Variants in MBD5 observed in about 807,000 individuals in gnomAD.
MBD5 encodes the protein methyl-CpG binding domain protein 5, also known as methyl-CpG-binding domain protein 5.
MBD5 carries 13 observed loss-of-function variants against 117.3 expected under a neutral mutation model. The observed-to-expected ratio is 0.11, with a 90% CI of 0.07 to 0.18. The LOEUF (loss-of-function observed/expected upper bound fraction) is 0.18, where lower values mean the gene tolerates loss of function less well. Among genes scored for constraint, MBD5 ranks in the 10% least tolerant of loss-of-function variants. The pLI is 1.00. For synonymous variants in MBD5, 727 were observed against 766.4 expected (o/e 0.95, Z 0.85); for missense variants, 1,879 against 2,093.8 (o/e 0.90, Z 2.00).
rs1371989232 is a variant in MBD5 at position 148,515,935 on chromosome 2, G to T, written c.*2994G>T. 6.6e-6 allele frequency: 1 copy of T among 152,124 alleles called. No homozygotes were observed. Among genetic ancestry groups the T allele is most frequent in the Non-Finnish European group, 1.5e-5 (1 of 67,988 alleles). The allele number at this position is 152,124 out of a possible 1,614,324, so 9.4% of individuals were successfully genotyped here. A position where few individuals can be genotyped will look rare whatever the true frequency, so the allele number is the denominator to read the frequency against. On this transcript the variant is annotated 3_prime_UTR_variant, in exon 14 of 14. Transcript: ENST00000642680. Reference sequence around the variant, plus strand: ...TTTATTTATTTAAAGGAACATTTTTGGCTTGTACTTTTCAGTGCCATTATG... The same window carrying T: ...TTTATTTATTTAAAGGAACATTTTTTGCTTGTACTTTTCAGTGCCATTATG...
intron 4 of MBD5, among the ~76,000 whole-genome samples, chr2:148,369,081 C>A (rs1377335167): frequency 6.6e-6 from 1 of 151,946 alleles, no homozygotes; most frequent in Non-Finnish European, 1.5e-5. Flanking sequence ...AATGCGTGAC[C>A]TCAATTGAAT....
intron 4 of MBD5, among the ~76,000 whole-genome samples, chr2:148,375,012 G>A (rs954370457): frequency 5.3e-5 from 8 of 152,090 alleles, no homozygotes; most frequent in African/African-American, 1.9e-4. Flanking sequence ...TACCTGGTGT[G>A]TATAAATATT....
In MBD5 at chr2:148,514,830, T is replaced by G. The variant is rs1166418320; in HGVS notation, c.*1889T>G. ...TTCCCCTAGGTCTCCTGTGTCTCTC[T>G]GTCCCTCTGTTCCTACTTTCAACCT... On this transcript the variant is annotated 3_prime_UTR_variant, in exon 14 of 14. Transcript: ENST00000642680. 1 of 152,346 alleles carries G rather than the reference T, an allele frequency of 6.6e-6. No homozygotes were observed. Among genetic ancestry groups the G allele is most frequent in the Non-Finnish European group, 1.5e-5 (1 of 68,148 alleles). 9.4% of individuals were successfully genotyped at this position (152,346 alleles called of 1,614,324 possible).
At chr2:148,450,366 T>G (rs1316298949) in intron 4 of MBD5, among the ~76,000 whole-genome samples, 1 of 152,234 alleles carries the variant, frequency 6.6e-6, no homozygotes, top group African/African-American at 2.4e-5. Flanking sequence ...TTAATTTAAG[T>G]TAAACCCTAT....
chr2:148,103,288 T>TA (rs2105310271), intron 1 of MBD5, among the ~76,000 whole-genome samples: 1 of 152,304 alleles, frequency 6.6e-6, no homozygotes, highest in African/African-American at 2.4e-5. Flanking sequence ...GCATATACTC[T>TA]AACACTGGGG....
At chr2:148,040,318 C>T (rs1694318733) in intron 1 of MBD5, among the ~76,000 whole-genome samples, 1 of 152,128 alleles carries the variant, frequency 6.6e-6, no homozygotes, top group Non-Finnish European at 1.5e-5. Flanking sequence ...GATTGTGTGA[C>T]TGCACTCCAG....
At chr2:148,090,073 A>G (rs1337741300) in intron 1 of MBD5, among the ~76,000 whole-genome samples, 1 of 152,072 alleles carries the variant, frequency 6.6e-6, no homozygotes, top group Non-Finnish European at 1.5e-5. Flanking sequence ...CACGCACAAA[A>G]TAGAAAATCT....
At chr2:148,381,846 T>C (rs4572539) in intron 4 of MBD5, among the ~76,000 whole-genome samples, 56,259 of 151,920 alleles carry the variant, frequency 0.37, 11,486 homozygotes, top group East Asian at 0.65. Flanking sequence ...GAATTTCATA[T>C]CTAGCCAAAC....
chr2:148,410,887 A>G (rs961559535), intron 4 of MBD5, among the ~76,000 whole-genome samples: 2 of 152,182 alleles, frequency 1.3e-5, no homozygotes, highest in Non-Finnish European at 2.9e-5. Context: ...ATTCAGGGGT[A>G]CATGTGCAGG....
intron 3 of MBD5, among the ~76,000 whole-genome samples, chr2:148,316,159 A>T (rs1047518700): frequency 2.0e-5 from 3 of 152,118 alleles, no homozygotes; most frequent in Non-Finnish European, 2.9e-5. Flanking sequence ...CCCATGATCC[A>T]ATCACCTCCT....
chr2:148,125,787 C>T (rs996397149), intron 1 of MBD5, among the ~76,000 whole-genome samples: 1 of 152,166 alleles, frequency 6.6e-6, no homozygotes, highest in Admixed American at 6.5e-5. Context: ...GTAGCTAACA[C>T]AAGGGCTATG....
At chr2:148,404,159 T>C (rs980252667) in intron 4 of MBD5, among the ~76,000 whole-genome samples, 12 of 152,022 alleles carry the variant, frequency 7.9e-5, no homozygotes, top group African/African-American at 2.9e-4. Context: ...TCCTGGGTAT[T>C]TGTTTATGCC....
chr2:148,452,593 A>G (rs1025361820), intron 4 of MBD5, among the ~76,000 whole-genome samples: 1 of 30,888 alleles, frequency 3.2e-5, no homozygotes, highest in African/African-American at 6.6e-5. Flanking sequence ...AAGCAAAATG[A>G]GAAAAAAAAA....
At position 148,330,115 on chromosome 2, in the gene MBD5, A is replaced by ACACACACACACACACACT. The variant is rs148068244; in HGVS notation, c.-679-12096_-679-12095insACACACACACACACTCAC. On this transcript the variant is annotated intron_variant, in intron 3 of 13. Coordinates refer to ENST00000642680, the MANE Select transcript of MBD5 (RefSeq NM_001378120.1). ...CACACACACACACACACACACACAC[A>ACACACACACACACACACT]CACTCTACCTTAGGCCAAAAAAGGG... Among the ~76,000 whole-genome samples, 1,211 of 127,272 alleles carry ACACACACACACACACACT rather than the reference A, an allele frequency of 9.5e-3. 30 individuals are homozygous for ACACACACACACACACACT. The highest frequency in any genetic ancestry group is 0.015 in the Non-Finnish European group (918 of 60,858). The allele number at this position is 127,272 out of a possible 152,430, so 83.5% of individuals were successfully genotyped here.
intron 8 of MBD5, chr2:148,481,889 T>G (rs1436187295): frequency 6.6e-6 from 1 of 152,210 alleles, no homozygotes; most frequent in African/African-American, 2.4e-5. Flanking sequence ...AGTGAAATTT[T>G]ATCTTTTCAG....
rs544385643 is a variant in MBD5, at chr2:148,235,415, T to G, written c.-680+2020T>G. ...GTATATAGCTTTAACTTATTAAGAA[T>G]CAAGCCCTTTGTTTTTTATTAATTT... On this transcript the variant is annotated intron_variant, in intron 3 of 13. Coordinates refer to ENST00000642680, the MANE Select transcript of MBD5 (RefSeq NM_001378120.1). 2.4e-3 allele frequency among the ~76,000 whole-genome samples: 370 copies of G among 152,338 alleles called. 1 individual carries two copies. Among genetic ancestry groups the G allele is most frequent in the Admixed American group, 5.8e-3 (88 of 15,286 alleles).
intron 4 of MBD5, among the ~76,000 whole-genome samples, chr2:148,409,590 T>TC (rs200493361): frequency 1.3e-5 from 2 of 151,498 alleles, no homozygotes; most frequent in Non-Finnish European, 2.9e-5. Context: ...GTATTATTTC[T>TC]TTTGAACACC....
intron 4 of MBD5, among the ~76,000 whole-genome samples, chr2:148,355,072 T>C (rs1703343707): frequency 6.6e-6 from 1 of 152,196 alleles, no homozygotes; most frequent in Non-Finnish European, 1.5e-5. Context: ...AATGTCTTCT[T>C]TTGAGAAGTG....
At chr2:148,251,256 G>A (rs575155851) in intron 3 of MBD5, among the ~76,000 whole-genome samples, 3 of 152,142 alleles carry the variant, frequency 2.0e-5, no homozygotes, top group South Asian at 4.2e-4. Context: ...ATTTCCATTC[G>A]ACTCGAGAAA....
Sources: gnomAD v4.1 joint callset for allele counts (sites outside exome capture counted in the v4.1 genomes callset) on GRCh38, gnomAD v4.1.1 for gene constraint, MANE v1.5 for transcripts, NCBI Gene and HGNC (gene_info 2026-07-23, HGNC 2026-07-21) for gene names.